Variants in SLAMF8 observed in about 807,000 individuals in gnomAD.
The protein encoded by SLAMF8 is B lymphocyte activator macrophage expressed.
SLAMF8 carries 23 observed loss-of-function variants against 29.0 expected under a neutral mutation model. The ratio of observed to expected loss-of-function variants is 0.79; its 90% CI spans 0.57 to 1.13. The LOEUF is 1.13. Ranked by LOEUF, SLAMF8 falls within the 50% of genes most tolerant of loss-of-function variation. The probability of loss-of-function intolerance (pLI) is 0.00; values close to 1 mark genes in which losing one functional copy is unlikely to be tolerated. For missense variants in SLAMF8, 381 were observed against 353.1 expected (o/e 1.08, Z -0.63); for synonymous variants, 139 against 145.6 (o/e 0.96, Z 0.32).
Position 159,835,032 on chromosome 1 carries a change from C to CT in SLAMF8, c.782-149dup. On this transcript the variant is annotated intron_variant, in intron 4 of 4. Transcript: ENST00000289707. ...AATTTCCTATTCTTGAAGAGCCTCC[C>CT]TTTCCAGGGTGTTGGAAGACCAGGA... 4 of 664,678 alleles carry CT rather than the reference C, an allele frequency of 6.0e-6. No individual in the cohort carries two copies. The South Asian group carries it at 6.2e-5, about 10-fold the overall frequency. The allele number at this position is 664,678 out of a possible 1,614,324, so 41.2% of individuals were successfully genotyped here.
In SLAMF8 at chr1:159,829,896, A is replaced by C; in HGVS notation, c.71A>C (p.Gln24Pro). 1.2e-6 allele frequency: 2 copies of C among 1,613,512 alleles called. No homozygotes were observed. Among genetic ancestry groups the C allele is most frequent in the Non-Finnish European group, 8.5e-7 (1 of 1,179,624 alleles). Residue 24 changes from glutamine to proline, a missense_variant, in exon 2 of 5, where the codon CAA (glutamine) becomes CCA (proline). Transcript: ENST00000289707. The part of the protein sequence containing the change: ...ALLPITVTGA[Q>P]VLSKVGGSVL... ...CTTCCCATTACAGTTACTGGTGCCC[A>C]AGTGCTGAGCAAAGTCGGGGGCTCG... is the stretch of plus-strand genomic sequence containing the variant.
rs534085738 is a variant in SLAMF8, at chr1:159,833,453, G to T, written c.781+84G>T. On this transcript the variant is annotated intron_variant, in intron 4 of 4. Coordinates refer to ENST00000289707, the MANE Select transcript of SLAMF8 (RefSeq NM_020125.3). ...GGGTCTTGGACCTCCTCCTATTTAG[G>T]CTTCAGATGGTCTGCCCCTTCCTAC... 41 of 1,592,456 alleles carry T rather than the reference G, an allele frequency of 2.6e-5. No individual in the cohort carries two copies. In the African/African-American group the frequency reaches 5.1e-4, roughly 20 times the overall value.
rs950448571 is a variant in SLAMF8 at position 159,836,292 on chromosome 1, A to T, written c.*1032A>T. On this transcript the variant is annotated 3_prime_UTR_variant, in exon 5 of 5. Transcript: ENST00000289707. ...ACTTACCTTAGTTCAAGGGGAGGGGACAAAGACCCCACAGCCCAACAGCAG... is the reference window on the plus strand; with the variant it reads ...ACTTACCTTAGTTCAAGGGGAGGGGTCAAAGACCCCACAGCCCAACAGCAG... 23 of 983,736 alleles carry T rather than the reference A, an allele frequency of 2.3e-5. No homozygotes were observed. Among genetic ancestry groups the T allele is most frequent in the Non-Finnish European group, 2.5e-5 (21 of 828,490 alleles). 60.9% of individuals were successfully genotyped at this position (983,736 alleles called of 1,614,324 possible). A position where few individuals can be genotyped will look rare whatever the true frequency, so the allele number is the denominator to read the frequency against.
intron 4 of SLAMF8, 96 bp from the exon 5 acceptor site, chr1:159,835,088 G>A: frequency 8.6e-7 from 1 of 1,166,670 alleles, no homozygotes. Context: ...GTGACCTTGG[G>A]CTAACACACT....
rs575127355 is a variant in SLAMF8, at chr1:159,831,269, A to G, written c.367+1077A>G. 3.0e-3 allele frequency among the ~76,000 whole-genome samples: 463 copies of G among 152,308 alleles called. 2 individuals carry two copies. Among genetic ancestry groups the G allele is most frequent in the Non-Finnish European group, 3.2e-3 (218 of 68,020 alleles). On this transcript the variant is annotated intron_variant, in intron 2 of 4. Transcript: ENST00000289707. ...GGTAGCAGCTGGGAAGAGGGTAGCC[A>G]TGAGGGAGATAAAGATTGTAAGCAA...
intron 4 of SLAMF8, 93 bp downstream of exon 4, chr1:159,833,462 G>A: frequency 6.3e-7 from 1 of 1,574,806 alleles, no homozygotes; most frequent in Non-Finnish European, 8.7e-7. Context: ...GGCTTCAGAT[G>A]GTCTGCCCCT....
Position 159,836,990 on chromosome 1 carries a change from G to A in SLAMF8, c.*1730G>A. The A allele has an allele frequency of 1.0e-6, 1 of 985,428 alleles. No individual in the cohort carries two copies. The highest frequency in any genetic ancestry group is 1.2e-6 in the Non-Finnish European group (1 of 829,950). The allele number at this position is 985,428 out of a possible 1,614,324, so 61.0% of individuals were successfully genotyped here. On this transcript the variant is annotated 3_prime_UTR_variant, in exon 5 of 5. Coordinates refer to ENST00000289707, the MANE Select transcript of SLAMF8 (RefSeq NM_020125.3). Reference sequence around the variant, plus strand: ...ACTGGCCTCAGTCCCTAAAAATGATGTGGAAAGGAAAGCCCAGGATCTGAC... The same window carrying A: ...ACTGGCCTCAGTCCCTAAAAATGATATGGAAAGGAAAGCCCAGGATCTGAC...
intron 1 of SLAMF8, among the ~76,000 whole-genome samples, chr1:159,827,705 C>A (rs1366581475): frequency 6.6e-6 from 1 of 152,162 alleles, no homozygotes; most frequent in African/African-American, 2.4e-5. Flanking sequence ...GTTTCATCTC[C>A]TTGCCTGAGT....
In SLAMF8 at chr1:159,833,353, C is replaced by T; in HGVS notation, c.765C>T (p.His255=). The T allele has an allele frequency of 6.2e-7, 1 of 1,614,016 alleles. No homozygotes were observed. The highest frequency in any genetic ancestry group is 8.5e-7 in the Non-Finnish European group (1 of 1,179,876). Reference sequence around the variant, plus strand: ...TGGTTACTCTCTTCTCTGCCTGGCACTGGTGCCCCTGCTCAGGTAGGAGTC... The same window carrying T: ...TGGTTACTCTCTTCTCTGCCTGGCATTGGTGCCCCTGCTCAGGTAGGAGTC... ...LMLVTLFSAW[H]WCPCSGKKKK... Residue 255 remains histidine (H), a synonymous_variant, in exon 4 of 5, where the codon CAC becomes CAT. Transcript: ENST00000289707.
chr1:159,833,236 C>T (rs1232814029), intron 3 of SLAMF8, 26 bp from the exon 4 acceptor site: 3 of 1,614,042 alleles, frequency 1.9e-6, no homozygotes, highest in Admixed American at 1.7e-5. Context: ...TCAAGTCCAC[C>T]TCTAACCCCA....
At position 159,828,881 on chromosome 1, in the gene SLAMF8, G is replaced by A. The variant is rs114795988; in HGVS notation, c.41-985G>A. On this transcript the variant is annotated intron_variant, in intron 1 of 4. Coordinates refer to ENST00000289707, the MANE Select transcript of SLAMF8 (RefSeq NM_020125.3). Reference sequence around the variant, plus strand: ...TCAAGGAGAAGCGTCTCCCATACACGTCTGACTCAAATATAGTCCCCCAAA... The same window carrying A: ...TCAAGGAGAAGCGTCTCCCATACACATCTGACTCAAATATAGTCCCCCAAA... 6.4e-3 allele frequency among the ~76,000 whole-genome samples: 978 copies of A among 152,202 alleles called. 13 individuals carry two copies. Among genetic ancestry groups the A allele is most frequent in the African/African-American group, 0.022 (897 of 41,508 alleles).
rs904168328 is a variant in SLAMF8 at position 159,829,874 on chromosome 1, C to T, written c.49C>T (p.Pro17Ser). The stretch of plus-strand genomic sequence containing the variant: ...GGGCTCTGTTCTTTCAGCCCTACTT[C>T]CCATTACAGTTACTGGTGCCCAAGT... ...WSLLLWEALL[P>S]ITVTGAQVLS... Residue 17 changes from proline to serine, a missense_variant, in exon 2 of 5, where the codon CCC (proline) becomes TCC (serine). Coordinates refer to ENST00000289707, the MANE Select transcript of SLAMF8 (RefSeq NM_020125.3). The T allele has an allele frequency of 1.9e-5, 30 of 1,608,072 alleles. No individual in the cohort carries two copies. Among genetic ancestry groups the T allele is most frequent in the Non-Finnish European group, 2.5e-5 (30 of 1,176,778 alleles).
chr1:159,831,373 T>G (rs1647477673), intron 2 of SLAMF8, among the ~76,000 whole-genome samples: 2 of 151,570 alleles, frequency 1.3e-5, no homozygotes, highest in Non-Finnish European at 1.5e-5. Context: ...CCGATGCAAT[T>G]GCAAGGTGCC....
intron 2 of SLAMF8, among the ~76,000 whole-genome samples, chr1:159,832,275 A>T (rs1647541667): frequency 6.6e-6 from 1 of 152,218 alleles, no homozygotes; most frequent in South Asian, 2.1e-4. Flanking sequence ...TTAATTATTC[A>T]TAATCATTTT....
intron 1 of SLAMF8, among the ~76,000 whole-genome samples, chr1:159,827,140 G>A (rs1484679145): frequency 1.3e-5 from 2 of 152,204 alleles, no homozygotes; most frequent in African/African-American, 2.4e-5. Flanking sequence ...GGAGGGAGGA[G>A]GTGGCAGCTT....
At position 159,836,605 on chromosome 1, in the gene SLAMF8, G is replaced by C. The variant is rs960600316; in HGVS notation, c.*1345G>C. 7.1e-6 allele frequency: 7 copies of C among 985,424 alleles called. No individual in the cohort carries two copies. The African/African-American group carries it at 1.2e-4, about 17-fold the overall frequency. The allele number at this position is 985,424 out of a possible 1,614,324, so 61.0% of individuals were successfully genotyped here. On this transcript the variant is annotated 3_prime_UTR_variant, in exon 5 of 5. Transcript: ENST00000289707. Reference sequence around the variant, plus strand: ...GTGGGTTTGAAGTACTATTTTCCCAGGGTGGCTTCAATCTCCCCACCTAGG... The same window carrying C: ...GTGGGTTTGAAGTACTATTTTCCCACGGTGGCTTCAATCTCCCCACCTAGG...
At chr1:159,827,686 G>A (rs1039320126) in intron 1 of SLAMF8, among the ~76,000 whole-genome samples, 8 of 152,112 alleles carry the variant, frequency 5.3e-5, no homozygotes, top group Non-Finnish European at 5.9e-5. Flanking sequence ...AGGGACTTTG[G>A]GTTGCTTTGT....
intron 2 of SLAMF8, 122 bp downstream of exon 2, chr1:159,830,314 C>A: frequency 9.1e-7 from 1 of 1,103,936 alleles, no homozygotes; most frequent in Non-Finnish European, 1.2e-6. Flanking sequence ...GACCATGTTG[C>A]CGACTCAGGG....
Position 159,836,296 on chromosome 1 carries a change from A to G in SLAMF8, c.*1036A>G. ...ACCTTAGTTCAAGGGGAGGGGACAAAGACCCCACAGCCCAACAGCAGGACT... is the reference window on the plus strand; with the variant it reads ...ACCTTAGTTCAAGGGGAGGGGACAAGGACCCCACAGCCCAACAGCAGGACT... On this transcript the variant is annotated 3_prime_UTR_variant, in exon 5 of 5. Coordinates refer to ENST00000289707, the MANE Select transcript of SLAMF8 (RefSeq NM_020125.3). The G allele has an allele frequency of 1.0e-6, 1 of 983,820 alleles. No homozygotes were observed. Among genetic ancestry groups the G allele is most frequent in the South Asian group, 4.7e-5 (1 of 21,242 alleles). 60.9% of individuals were successfully genotyped at this position (983,820 alleles called of 1,614,324 possible). A position where few individuals can be genotyped will look rare whatever the true frequency, so the allele number is the denominator to read the frequency against.
Sources: gnomAD v4.1 joint callset for allele counts (sites outside exome capture counted in the v4.1 genomes callset) on GRCh38, gnomAD v4.1.1 for gene constraint, MANE v1.5 for transcripts, NCBI Gene and HGNC (gene_info 2026-07-23, HGNC 2026-07-21) for gene names.